The following PALM2AKAP2 variants were observed in gnomAD, a reference collection of about 807,000 sequenced individuals.
PALM2AKAP2 encodes PALM2 and AKAP2 fusion.
A neutral mutation model predicts 71.5 loss-of-function variants in PALM2AKAP2; 37 were observed. That is an observed-to-expected ratio of 0.52 (90% CI 0.40 to 0.68). The LOEUF is 0.68. Ranked by LOEUF, PALM2AKAP2 falls within the 30% of genes least tolerant of loss-of-function variation. The pLI is 0.00. For synonymous variants in PALM2AKAP2, 468 were observed against 478.8 expected, an observed-to-expected ratio of 0.98 and a Z score of 0.29; for missense variants, 1,224 against 1,191.8, an observed-to-expected ratio of 1.03 and a Z score of -0.40.
At chr9:110,012,676 A>G (rs1832906170) in intron 6 of PALM2AKAP2, among the ~76,000 whole-genome samples, 1 of 152,230 alleles carries the variant, frequency 6.6e-6, no homozygotes, top group African/African-American at 2.4e-5. Flanking sequence ...TTGTTATGAA[A>G]TGTTTCCTAA....
At chr9:109,800,517 C>T (rs1827396307) in intron 1 of PALM2AKAP2, among the ~76,000 whole-genome samples, 2 of 152,180 alleles carry the variant, frequency 1.3e-5, no homozygotes, top group Admixed American at 1.3e-4. Context: ...AATTAAACGA[C>T]TCACATGTTG....
intron 6 of PALM2AKAP2, among the ~76,000 whole-genome samples, chr9:109,974,647 A>C (rs17203239): frequency 0.044 from 6,739 of 152,230 alleles, 303 homozygotes; most frequent in East Asian, 0.17. Context: ...AATCCCCTGC[A>C]ATGGTTTACA....
At chr9:109,644,103 A>G (rs907411895) in intron 1 of PALM2AKAP2, among the ~76,000 whole-genome samples, 6 of 152,110 alleles carry the variant, frequency 3.9e-5, no homozygotes, top group African/African-American at 1.4e-4. Context: ...CAGGACCAAA[A>G]CACTTCCCAC....
chr9:109,684,478 A>G (rs10816854), intron 1 of PALM2AKAP2, among the ~76,000 whole-genome samples: 56,210 of 151,988 alleles, frequency 0.37, 10,714 homozygotes, highest in Middle Eastern at 0.53. Context: ...GAGAAACTGC[A>G]GGGGGCAGGC....
intron 4 of PALM2AKAP2, among the ~76,000 whole-genome samples, chr9:109,924,489 AC>A (rs1830907836): frequency 6.6e-6 from 1 of 152,152 alleles, no homozygotes. Flanking sequence ...AATCCCAGCT[AC>A]TGAGGAGGCT....
intron 1 of PALM2AKAP2, among the ~76,000 whole-genome samples, chr9:109,761,325 T>C (rs11790961): frequency 0.019 from 2,888 of 152,322 alleles, 41 homozygotes; most frequent in Non-Finnish European, 0.024. Context: ...TCTATTACTT[T>C]GTGGATTGTT....
intron 1 of PALM2AKAP2, among the ~76,000 whole-genome samples, chr9:110,091,671 C>G (rs974059838): frequency 6.6e-6 from 1 of 152,050 alleles, no homozygotes; most frequent in South Asian, 2.1e-4. Flanking sequence ...ACCGTGTTAG[C>G]CAGGATGGTC....
intron 1 of PALM2AKAP2, among the ~76,000 whole-genome samples, chr9:109,815,978 G>C (rs1338312476): frequency 6.6e-6 from 1 of 152,114 alleles, no homozygotes; most frequent in African/African-American, 2.4e-5. Context: ...TCAAGGTACT[G>C]GTTATTAGCC....
In PALM2AKAP2 at chr9:109,807,039, A is replaced by G. The variant is rs188696408; in HGVS notation, c.45+26506A>G. On this transcript the variant is annotated intron_variant, in intron 1 of 9. Transcript: ENST00000302798. ...GTGGTAATTCAGAGGGAAAAGAGAT[A>G]CATGTGGGCCAAGCTAGCAGCAGAG... Among the ~76,000 whole-genome samples the G allele has an allele frequency of 3.2e-3, 480 of 152,286 alleles. 1 individual carries two copies. The highest frequency in any genetic ancestry group is 0.011 in the African/African-American group (455 of 41,562).
At chr9:109,925,147 T>G in intron 5 of PALM2AKAP2, 65 bp downstream of exon 5, 1 of 1,605,452 alleles carries the variant, frequency 6.2e-7, no homozygotes, top group Non-Finnish European at 8.5e-7. Flanking sequence ...GGGGTTTCAT[T>G]AACAGGGGCT....
intron 1 of PALM2AKAP2, among the ~76,000 whole-genome samples, chr9:109,659,277 GC>G (rs1250087741): frequency 1.3e-5 from 2 of 152,084 alleles, no homozygotes; most frequent in African/African-American, 4.8e-5. Context: ...CTGTTCAATG[GC>G]TTTTAGTGGT....
intron 1 of PALM2AKAP2, among the ~76,000 whole-genome samples, chr9:110,091,588 G>A (rs186355655): frequency 1.8e-4 from 27 of 148,810 alleles, no homozygotes; most frequent in Admixed American, 9.5e-4. Context: ...TCAGCCTCCC[G>A]AGTAGCTGGG....
chr9:110,003,535 G>A (rs2132286835), intron 6 of PALM2AKAP2, among the ~76,000 whole-genome samples: 1 of 152,274 alleles, frequency 6.6e-6, no homozygotes, highest in East Asian at 1.9e-4. Flanking sequence ...TTCTGTAGAT[G>A]TCTATTAGGT....
intron 6 of PALM2AKAP2, among the ~76,000 whole-genome samples, chr9:109,934,079 G>A (rs1420369997): frequency 6.6e-6 from 1 of 152,182 alleles, no homozygotes; most frequent in African/African-American, 2.4e-5. Context: ...GCGTTTGGAA[G>A]GTTTGGGACT....
chr9:110,129,348 A>G (rs971434982), intron 1 of PALM2AKAP2, among the ~76,000 whole-genome samples: 1 of 152,226 alleles, frequency 6.6e-6, no homozygotes, highest in African/African-American at 2.4e-5. Context: ...GTTTTGATCC[A>G]TCCACTCTTC....
chr9:109,701,197 C>T (rs1050879680), intron 1 of PALM2AKAP2, among the ~76,000 whole-genome samples: 2 of 152,052 alleles, frequency 1.3e-5, no homozygotes, highest in East Asian at 3.9e-4. Flanking sequence ...CAATGCCATC[C>T]CCATCAAACT....
At chr9:110,070,576 G>T (rs1834181179) in intron 1 of PALM2AKAP2, among the ~76,000 whole-genome samples, 1 of 152,180 alleles carries the variant, frequency 6.6e-6, no homozygotes, top group Non-Finnish European at 1.5e-5. Context: ...TTGGTCAATT[G>T]TGATAAGCTG....
At chr9:109,737,623 G>A (rs1054301796) in intron 1 of PALM2AKAP2, among the ~76,000 whole-genome samples, 5 of 152,232 alleles carry the variant, frequency 3.3e-5, no homozygotes, top group African/African-American at 1.2e-4. Flanking sequence ...CTAGGGCTTT[G>A]CTAATTTTAG....
intron 1 of PALM2AKAP2, among the ~76,000 whole-genome samples, chr9:109,719,994 CT>C (rs111446618): frequency 0.045 from 6,537 of 145,540 alleles, 172 homozygotes; most frequent in Non-Finnish European, 0.056. Context: ...ATTTTTATTC[CT>C]TTTTTTTTTT....
Sources: allele counts gnomAD v4.1 joint callset (sites outside exome capture counted in the v4.1 genomes callset), GRCh38; gene constraint gnomAD v4.1.1; transcripts MANE v1.5; gene names NCBI Gene and HGNC (gene_info 2026-07-23, HGNC 2026-07-21).